Variants in NCALD observed in about 807,000 individuals in gnomAD.
The protein encoded by NCALD is neurocalcin delta, also known as neurocalcin-delta.
A neutral mutation model predicts 18.6 loss-of-function variants in NCALD; 10 were observed. The ratio of observed to expected loss-of-function variants is 0.54; its 90% confidence interval spans 0.33 to 0.91. The LOEUF (loss-of-function observed/expected upper bound fraction) is 0.91. Ranked by LOEUF, NCALD falls within the 40% of genes least tolerant of loss-of-function variation. NCALD has a pLI of 0.03. For synonymous variants in NCALD, 88 were observed against 87.4 expected (o/e 1.01, Z -0.04); for missense variants, 184 against 247.6 (o/e 0.74, Z 1.72).
intron 1 of NCALD, among the ~76,000 whole-genome samples, chr8:102,037,843 T>C (rs1437559954): frequency 6.6e-6 from 1 of 152,186 alleles, no homozygotes; most frequent in Non-Finnish European, 1.5e-5. Flanking sequence ...ATGTAGGGTT[T>C]GCTTTCATGA....
At chr8:101,705,967 GA>G (rs1815500720) in intron 2 of NCALD, among the ~76,000 whole-genome samples, 3 of 152,332 alleles carry the variant, frequency 2.0e-5, no homozygotes, top group Admixed American at 6.5e-5. Context: ...GATAACTGGG[GA>G]AAAGTTATAA....
chr8:101,755,611 C>T (rs949166103), intron 1 of NCALD, among the ~76,000 whole-genome samples: 4 of 152,106 alleles, frequency 2.6e-5, no homozygotes, highest in African/African-American at 4.8e-5. Context: ...TTTTCCAGCC[C>T]GCATCTCACA....
intron 1 of NCALD, among the ~76,000 whole-genome samples, chr8:102,050,168 C>CAAAAAAAGAAAAAAAAAA (rs1823391017): frequency 2.2e-5 from 1 of 44,682 alleles, no homozygotes; most frequent in Non-Finnish European, 4.0e-5. Context: ...GACTCCGTCT[C>CAAAAAAAGAAAAAAAAAA]AAAAAAAAAA....
chr8:101,875,021 A>G (rs1816171646), intron 4 of NCALD, among the ~76,000 whole-genome samples: 1 of 152,246 alleles, frequency 6.6e-6, no homozygotes, highest in Non-Finnish European at 1.5e-5. Flanking sequence ...TTATTACATC[A>G]TTAAATTGAC....
chr8:101,707,706 AAAC>A (rs1162177141), intron 2 of NCALD, among the ~76,000 whole-genome samples: 2 of 152,226 alleles, frequency 1.3e-5, no homozygotes, highest in South Asian at 2.1e-4. Context: ...TTTGACTCTA[AAAC>A]AACAGATATG....
rs528650829 is a variant in NCALD, at chr8:102,116,222, C to T, written c.-210+8015G>A. 8.5e-5 allele frequency among the ~76,000 whole-genome samples: 13 copies of T among 152,170 alleles called. No individual in the cohort carries two copies. In the Middle Eastern group the frequency reaches 0.01, roughly 119 times the overall value. On this transcript the variant is annotated intron_variant, in intron 1 of 6. Transcript: ENST00000311028. ...TGTATACATATGTAACAAACCTGCA[C>T]GTTGTGCACATGTACCCTAGAACTT...
chr8:101,872,095 G>A lies in NCALD; in HGVS notation c.-20+15046C>T, dbSNP rs948516460. On this transcript the variant is annotated intron_variant, in intron 4 of 6. Coordinates refer to the NCALD transcript ENST00000311028. ...ATCAGGATAATTGGGTATGCAGGTG[G>A]TTGAATTGGCTTTGATAAATTTGAC... The A allele has an allele frequency of 3.2e-6, 5 of 1,579,640 alleles. No homozygotes were observed. In the African/African-American group the frequency reaches 5.4e-5, roughly 17 times the overall value.
chr8:102,038,805 AG>A (rs1324404885), intron 1 of NCALD, among the ~76,000 whole-genome samples: 3 of 152,148 alleles, frequency 2.0e-5, no homozygotes, highest in Non-Finnish European at 4.4e-5. Context: ...GGAATCTGTA[AG>A]AATGATAGGA....
intron 1 of NCALD, among the ~76,000 whole-genome samples, chr8:102,026,869 T>C (rs1375652597): frequency 2.0e-5 from 3 of 152,156 alleles, no homozygotes; most frequent in Non-Finnish European, 2.9e-5. Flanking sequence ...AGGCAGAGGT[T>C]CCCAAACCAC....
chr8:101,931,908 C>T (rs899821169), intron 2 of NCALD, among the ~76,000 whole-genome samples: 4 of 152,022 alleles, frequency 2.6e-5, no homozygotes, highest in African/African-American at 4.8e-5. Flanking sequence ...TAGCCCAGGC[C>T]CTTAGGAGCC....
intron 1 of NCALD, among the ~76,000 whole-genome samples, chr8:102,066,066 C>G (rs1823998822): frequency 6.6e-6 from 1 of 152,158 alleles, no homozygotes; most frequent in African/African-American, 2.4e-5. Context: ...ACAGCGCTAA[C>G]AAGTAGTAAA....
chr8:101,761,556 A>C (rs1345901613), intron 1 of NCALD, among the ~76,000 whole-genome samples: 1 of 152,210 alleles, frequency 6.6e-6, no homozygotes, highest in Non-Finnish European at 1.5e-5. Context: ...CCAATCAGGA[A>C]ATATTTATTA....
intron 1 of NCALD, among the ~76,000 whole-genome samples, chr8:101,740,816 G>T (rs765074737): frequency 6.6e-6 from 1 of 152,150 alleles, no homozygotes; most frequent in African/African-American, 2.4e-5. Flanking sequence ...GCCTGGCTGG[G>T]TTTACTCACA....
intron 2 of NCALD, among the ~76,000 whole-genome samples, chr8:101,700,055 T>TATTTATTC (rs1424026567): frequency 6.6e-6 from 1 of 150,776 alleles, no homozygotes; most frequent in Non-Finnish European, 1.5e-5. Context: ...TTTATTTATT[T>TATTTATTC]ATTCATTTAT....
In NCALD at chr8:101,776,483, G is replaced by A. The variant is rs549531707; in HGVS notation, c.-20+14379C>T. Among the ~76,000 whole-genome samples, 30 of 152,148 alleles carry A rather than the reference G, an allele frequency of 2.0e-4. No homozygotes were observed. The South Asian group carries it at 5.2e-3, about 26-fold the overall frequency. On this transcript the variant is annotated intron_variant, in intron 1 of 3. Transcript: ENST00000220931. Reference sequence around the variant, plus strand: ...TTTTTTTTTTAATATTAAGTTTGCAGAAATAGGAGGCAAAGCACTCCAACC... The same window carrying A: ...TTTTTTTTTTAATATTAAGTTTGCAAAAATAGGAGGCAAAGCACTCCAACC...
At chr8:101,721,168 GA>G (rs56165734) in intron 1 of NCALD, 81,572 of 151,974 alleles carry the variant, frequency 0.54, 24,556 homozygotes, top group African/African-American at 0.81. Flanking sequence ...TCGTCTATTG[GA>G]AAAAAAAAAC....
chr8:102,004,278 A>G (rs1054300895), intron 2 of NCALD, among the ~76,000 whole-genome samples: 2 of 152,246 alleles, frequency 1.3e-5, no homozygotes, highest in African/African-American at 4.8e-5. Flanking sequence ...TCCCATTCAC[A>G]ACTGCTTCAA....
chr8:101,999,692 T>C (rs1398473932), intron 2 of NCALD, among the ~76,000 whole-genome samples: 1 of 151,840 alleles, frequency 6.6e-6, no homozygotes, highest in Non-Finnish European at 1.5e-5. Flanking sequence ...AGCAGCTATA[T>C]GTATGGAAAA....
chr8:102,075,170 TAAGA>T (rs1393321851), intron 1 of NCALD, among the ~76,000 whole-genome samples: 4 of 152,184 alleles, frequency 2.6e-5, no homozygotes, highest in Non-Finnish European at 4.4e-5. Context: ...TTTCTCTTAG[TAAGA>T]AAGAAAGAGA....
Sources: gnomAD v4.1 joint callset for allele counts (sites outside exome capture counted in the v4.1 genomes callset) on GRCh38, gnomAD v4.1.1 for gene constraint, MANE v1.5 for transcripts, NCBI Gene and HGNC (gene_info 2026-07-23, HGNC 2026-07-21) for gene names.